CDH12: variants seen among roughly 807,000 people sequenced by gnomAD.
CDH12 encodes cadherin 12, also known as cadherin-12.
CDH12 carries 41 observed loss-of-function variants against 74.1 expected under a neutral mutation model. The ratio of observed to expected loss-of-function variants is 0.55; its 90% CI spans 0.43 to 0.72. CDH12 has a LOEUF of 0.72. Ranked by LOEUF, CDH12 falls within the 30% of genes least tolerant of loss-of-function variation. CDH12 has a pLI of 0.00. For synonymous variants in CDH12, 399 were observed against 355.0 expected (o/e 1.12, Z -1.39); for missense variants, 945 against 977.2 (o/e 0.97, Z 0.44).
chr5:22,381,985 A>T (rs1458523774), intron 3 of CDH12, among the ~76,000 whole-genome samples: 1 of 149,164 alleles, frequency 6.7e-6, no homozygotes, highest in Non-Finnish European at 1.5e-5. Flanking sequence ...TCAAATTTAT[A>T]TAAGTTTTGA....
chr5:22,625,304 A>G (rs925483709), intron 1 of CDH12, among the ~76,000 whole-genome samples: 4 of 152,210 alleles, frequency 2.6e-5, no homozygotes, highest in African/African-American at 9.6e-5. Flanking sequence ...TTAAAGTATA[A>G]TAATGAATAT....
At chr5:21,822,430 G>GA (rs1025537025) in intron 8 of CDH12, among the ~76,000 whole-genome samples, 4 of 151,594 alleles carry the variant, frequency 2.6e-5, no homozygotes, top group Admixed American at 6.6e-5. Flanking sequence ...GATTCAGGAA[G>GA]AAAAAAAATG....
At chr5:22,450,743 A>C (rs1056714845) in intron 2 of CDH12, among the ~76,000 whole-genome samples, 6 of 151,850 alleles carry the variant, frequency 4.0e-5, no homozygotes, top group African/African-American at 1.4e-4. Flanking sequence ...TCCTATTTCA[A>C]ATAAAATCCA....
At chr5:22,309,840 C>A (rs1047269552) in intron 3 of CDH12, among the ~76,000 whole-genome samples, 1 of 151,796 alleles carries the variant, frequency 6.6e-6, no homozygotes, top group African/African-American at 2.4e-5. Context: ...CCAAAATAAA[C>A]CCCTTCAGTA....
At chr5:22,492,909 A>C (rs548872017) in intron 2 of CDH12, among the ~76,000 whole-genome samples, 1 of 152,262 alleles carries the variant, frequency 6.6e-6, no homozygotes, top group Non-Finnish European at 1.5e-5. Context: ...CGCACACAGA[A>C]GATCCAAACT....
intron 3 of CDH12, among the ~76,000 whole-genome samples, chr5:22,282,950 T>TG (rs1345161142): frequency 6.6e-6 from 1 of 152,000 alleles, no homozygotes; most frequent in Non-Finnish European, 1.5e-5. Flanking sequence ...GTATGTTTAT[T>TG]GGGGCACTGT....
intron 4 of CDH12, among the ~76,000 whole-genome samples, chr5:22,166,942 ATC>A (rs1748716684): frequency 1.3e-5 from 2 of 152,186 alleles, no homozygotes; most frequent in African/African-American, 4.8e-5. Context: ...CTCTGTAAAT[ATC>A]TGTTTCTTCA....
chr5:22,499,920 A>G (rs374798660), intron 2 of CDH12, among the ~76,000 whole-genome samples: 23 of 152,300 alleles, frequency 1.5e-4, no homozygotes, highest in East Asian at 3.9e-4. Context: ...TGTACTGACT[A>G]CCTAAAAATA....
At chr5:22,708,702 T>A (rs952929905) in intron 1 of CDH12, among the ~76,000 whole-genome samples, 1 of 152,128 alleles carries the variant, frequency 6.6e-6, no homozygotes, top group Non-Finnish European at 1.5e-5. Context: ...AAAATCTATA[T>A]GAAATGCATT....
intron 3 of CDH12, among the ~76,000 whole-genome samples, chr5:22,229,755 T>G (rs922517433): frequency 1.3e-5 from 2 of 152,102 alleles, no homozygotes; most frequent in African/African-American, 4.8e-5. Context: ...GTATACCATG[T>G]TCCATCTGCA....
chr5:22,090,610 C>T (rs1743361074), intron 4 of CDH12, among the ~76,000 whole-genome samples: 1 of 151,174 alleles, frequency 6.6e-6, no homozygotes, highest in Non-Finnish European at 1.5e-5. Flanking sequence ...CATACATACA[C>T]ACACACACAC....
chr5:22,756,098 G>GAAAAAAAAAAAAAAA (rs60067455), intron 1 of CDH12, among the ~76,000 whole-genome samples: 10 of 87,332 alleles, frequency 1.1e-4, no homozygotes, highest in Admixed American at 4.0e-4. Context: ...TTCAAGGACC[G>GAAAAAAAAAAAAAAA]AAAAAAAAAA....
chr5:22,371,605 T>G (rs1265354938), intron 3 of CDH12, among the ~76,000 whole-genome samples: 1 of 152,192 alleles, frequency 6.6e-6, no homozygotes, highest in African/African-American at 2.4e-5. Context: ...TGTCTAAGGC[T>G]TTGAACAGGG....
At chr5:22,562,996 A>C (rs1739129533) in intron 1 of CDH12, among the ~76,000 whole-genome samples, 1 of 147,532 alleles carries the variant, frequency 6.8e-6, no homozygotes, top group South Asian at 2.1e-4. Context: ...TTGAATATTT[A>C]TATATGCAAA....
At chr5:21,774,190 A>G (rs1224109901) in intron 11 of CDH12, among the ~76,000 whole-genome samples, 1 of 152,142 alleles carries the variant, frequency 6.6e-6, no homozygotes, top group African/African-American at 2.4e-5. Context: ...CTGGGTGGGC[A>G]CCATCTAATC....
intron 4 of CDH12, among the ~76,000 whole-genome samples, chr5:22,128,073 T>C (rs2150283809): frequency 6.6e-6 from 1 of 152,224 alleles, no homozygotes; most frequent in Non-Finnish European, 1.5e-5. Context: ...AAGATTGATG[T>C]GTGAGCCAAA....
At chr5:22,624,883 C>A (rs1290984554) in intron 1 of CDH12, among the ~76,000 whole-genome samples, 1 of 152,138 alleles carries the variant, frequency 6.6e-6, no homozygotes, top group East Asian at 1.9e-4. Flanking sequence ...TGGCACTATT[C>A]ACAATAGCAA....
Position 21,798,717 on chromosome 5 carries a change from T to C in CDH12, c.1256+3450A>G, listed in dbSNP as rs114633517. On this transcript the variant is annotated intron_variant, in intron 10 of 14. Transcript: ENST00000382254. ...GTGTGGATACAAAGACATGACTTTCTGCTGAATAGAAACCAGGCCTTTATT... is the reference window on the plus strand; with the variant it reads ...GTGTGGATACAAAGACATGACTTTCCGCTGAATAGAAACCAGGCCTTTATT... 5.3e-3 allele frequency among the ~76,000 whole-genome samples: 804 copies of C among 151,830 alleles called. 5 individuals are homozygous for C. Among genetic ancestry groups the C allele is most frequent in the African/African-American group, 0.018 (749 of 41,142 alleles).
intron 3 of CDH12, among the ~76,000 whole-genome samples, chr5:22,389,400 T>C (rs1742134865): frequency 6.6e-6 from 1 of 152,180 alleles, no homozygotes; most frequent in African/African-American, 2.4e-5. Flanking sequence ...GTATTTTATA[T>C]ACACATATAG....
Sources: allele counts gnomAD v4.1 joint callset (sites outside exome capture counted in the v4.1 genomes callset), GRCh38; gene constraint gnomAD v4.1.1; transcripts MANE v1.5; gene names NCBI Gene and HGNC (gene_info 2026-07-23, HGNC 2026-07-21).